The following KLF12 variants were observed in gnomAD, a reference collection of about 807,000 sequenced individuals.
KLF12 encodes Krueppel-like factor 12.
A neutral mutation model predicts 37.8 loss-of-function variants in KLF12; 9 were observed. The observed-to-expected ratio is 0.24, with a 90% CI of 0.14 to 0.42. KLF12 has a LOEUF of 0.42. Among genes scored for constraint, KLF12 ranks in the 10% least tolerant of loss-of-function variants. The pLI is 1.00. For synonymous variants in KLF12, 208 were observed against 202.1 expected, an observed-to-expected ratio of 1.03 and a Z score of -0.25; for missense variants, 411 against 516.0, an observed-to-expected ratio of 0.80 and a Z score of 1.97.
At chr13:73,698,057 T>G (rs1593970278) in intron 7 of KLF12, among the ~76,000 whole-genome samples, 1 of 151,930 alleles carries the variant, frequency 6.6e-6, no homozygotes, top group Non-Finnish European at 1.5e-5. Context: ...CTGGGGAGGC[T>G]GAGGCAGAAG....
chr13:73,807,737 G>A (rs534343241), intron 5 of KLF12, among the ~76,000 whole-genome samples: 3 of 152,228 alleles, frequency 2.0e-5, no homozygotes, highest in South Asian at 4.2e-4. Flanking sequence ...GTTCTGAAAG[G>A]ACTAATTCTG....
chr13:74,190,796 C>T, the KLF12 span, among the ~76,000 whole-genome samples: 5 of 152,238 alleles, frequency 3.3e-5, no homozygotes, highest in Middle Eastern at 3.4e-3. Context: ...GAAGTAACCC[C>T]GGCTACTGAC....
chr13:74,210,621 T>A, the KLF12 span, among the ~76,000 whole-genome samples: 1 of 152,224 alleles, frequency 6.6e-6, no homozygotes, highest in African/African-American at 2.4e-5. Flanking sequence ...GCTAAAGTTA[T>A]GATCCAGCCA....
intron 1 of KLF12, among the ~76,000 whole-genome samples, chr13:74,101,391 G>C (rs144102701): frequency 2.0e-5 from 3 of 152,138 alleles, no homozygotes; most frequent in African/African-American, 7.2e-5. Flanking sequence ...TATTCCAGCA[G>C]ACTCAAGATC....
At chr13:74,198,030 A>G in the KLF12 span, among the ~76,000 whole-genome samples, 18 of 152,136 alleles carry the variant, frequency 1.2e-4, no homozygotes, top group Admixed American at 1.2e-3. Context: ...AGAGAAAAAA[A>G]GAAAGAAGGA....
intron 4 of KLF12, among the ~76,000 whole-genome samples, chr13:73,821,910 T>G (rs545673080): frequency 3.9e-5 from 6 of 152,360 alleles, no homozygotes; most frequent in Middle Eastern, 3.4e-3. Context: ...AAAGAATACC[T>G]ATACTTTGTA....
At chr13:73,948,005 A>C (rs536611487) in intron 2 of KLF12, among the ~76,000 whole-genome samples, 1 of 152,288 alleles carries the variant, frequency 6.6e-6, no homozygotes, top group Non-Finnish European at 1.5e-5. Flanking sequence ...ATAAGTCAAA[A>C]ATAACTGCTG....
chr13:74,154,170 G>A, the KLF12 span, among the ~76,000 whole-genome samples: 4 of 150,220 alleles, frequency 2.7e-5, no homozygotes, highest in East Asian at 7.9e-4. Flanking sequence ...GGGAGGCAGA[G>A]GTTGCAGTGA....
At chr13:74,254,524 A>T in the KLF12 span, among the ~76,000 whole-genome samples, 4 of 152,196 alleles carry the variant, frequency 2.6e-5, no homozygotes, top group African/African-American at 9.6e-5. Flanking sequence ...TACAGCTGAA[A>T]TCTACACAGA....
At chr13:73,857,543 C>T (rs1056235725) in intron 3 of KLF12, among the ~76,000 whole-genome samples, 18 of 152,134 alleles carry the variant, frequency 1.2e-4, no homozygotes, top group African/African-American at 4.3e-4. Flanking sequence ...CACATTTATA[C>T]ATTCTAGTTG....
chr13:73,753,530 C>T (rs768279135), intron 6 of KLF12, among the ~76,000 whole-genome samples: 12 of 152,050 alleles, frequency 7.9e-5, no homozygotes, highest in Non-Finnish European at 1.3e-4. Context: ...AAGTGGGGGC[C>T]GCATTTGTCT....
intron 2 of KLF12, among the ~76,000 whole-genome samples, chr13:73,965,930 G>A (rs1036657421): frequency 2.0e-5 from 3 of 152,172 alleles, no homozygotes; most frequent in Non-Finnish European, 2.9e-5. Context: ...TCTAGTAGGC[G>A]GGGCTGTAAA....
chr13:74,188,147 T>C, the KLF12 span, among the ~76,000 whole-genome samples: 1 of 152,172 alleles, frequency 6.6e-6, no homozygotes, highest in Admixed American at 6.5e-5. Flanking sequence ...AGGTTTAGTA[T>C]AGTTGTGGTG....
intron 6 of KLF12, among the ~76,000 whole-genome samples, chr13:73,731,452 A>G (rs940101797): frequency 3.3e-5 from 5 of 151,920 alleles, no homozygotes; most frequent in Non-Finnish European, 7.4e-5. Flanking sequence ...AAGCTCATAA[A>G]ATAAACTTAA....
At chr13:73,930,397 G>T (rs1889610320) in intron 3 of KLF12, among the ~76,000 whole-genome samples, 1 of 152,140 alleles carries the variant, frequency 6.6e-6, no homozygotes, top group Non-Finnish European at 1.5e-5. Context: ...AGACAATGGA[G>T]ACACTGAATG....
At chr13:74,027,232 G>A (rs751950279) in intron 1 of KLF12, among the ~76,000 whole-genome samples, 1 of 152,146 alleles carries the variant, frequency 6.6e-6, no homozygotes, top group Non-Finnish European at 1.5e-5. Context: ...CGAAGGCAAT[G>A]AGAACTCAAA....
At chr13:74,266,696 T>C in the KLF12 span, among the ~76,000 whole-genome samples, 405 of 152,268 alleles carry the variant, frequency 2.7e-3, no homozygotes, top group African/African-American at 9.2e-3. Flanking sequence ...TAGCTCTTGG[T>C]TTACAGATGC....
At chr13:74,027,586 C>G (rs1191474050) in intron 1 of KLF12, among the ~76,000 whole-genome samples, 2 of 152,156 alleles carry the variant, frequency 1.3e-5, no homozygotes, top group African/African-American at 4.8e-5. Flanking sequence ...AGGTTCCACT[C>G]AGGCTATTTA....
At chr13:74,217,171 T>A in the KLF12 span, among the ~76,000 whole-genome samples, 1 of 152,128 alleles carries the variant, frequency 6.6e-6, no homozygotes, top group African/African-American at 2.4e-5. Context: ...GATTCTTTTT[T>A]TTGAAGTAAA....
Sources: gnomAD v4.1 joint callset for allele counts (sites outside exome capture counted in the v4.1 genomes callset) on GRCh38, gnomAD v4.1.1 for gene constraint, MANE v1.5 for transcripts, NCBI Gene and HGNC (gene_info 2026-07-23, HGNC 2026-07-21) for gene names.